The following DNAH6 variants were observed in gnomAD, a reference collection of about 807,000 sequenced individuals.
The protein encoded by DNAH6 is dynein axonemal heavy chain 6.
In DNAH6, 340 loss-of-function variants were observed where a neutral mutation model predicts 491.4. That is an observed-to-expected ratio of 0.69 (90% confidence interval 0.63 to 0.76). The LOEUF is 0.76. Among genes scored for constraint, DNAH6 ranks in the 30% least tolerant of loss-of-function variants. The pLI, the probability that DNAH6 is intolerant of heterozygous loss-of-function variation, is 0.00. For missense variants in DNAH6, 4,443 were observed against 4,972.2 expected, an observed-to-expected ratio of 0.89 and a Z score of 3.20; for synonymous variants, 1,603 against 1,686.1, an observed-to-expected ratio of 0.95 and a Z score of 1.21.
intron 64 of DNAH6, among the ~76,000 whole-genome samples, chr2:84,772,782 A>G (rs1384110208): frequency 6.6e-6 from 1 of 152,070 alleles, no homozygotes; most frequent in Admixed American, 6.5e-5. Context: ...CAACATTAAA[A>G]CTAATATTAA....
At chr2:84,686,633 C>G in intron 44 of DNAH6, 76 bp downstream of exon 44, 1 of 944,324 alleles carries the variant, frequency 1.1e-6, no homozygotes, top group African/African-American at 1.7e-5. Context: ...AATGAATATT[C>G]TATAAAAACT....
chr2:84,614,044 C>T (rs960409539), intron 22 of DNAH6, among the ~76,000 whole-genome samples: 4 of 144,676 alleles, frequency 2.8e-5, no homozygotes, highest in Admixed American at 1.3e-4. Flanking sequence ...ATTTTTATTT[C>T]AATAGGTTTG....
chr2:84,519,647 CCTT>C (rs933226510), intron 2 of DNAH6, among the ~76,000 whole-genome samples: 117 of 149,124 alleles, frequency 7.8e-4, no homozygotes, highest in South Asian at 1.3e-3. Context: ...CCCTCCTCTT[CCTT>C]CTTCTTTTCT....
chr2:84,766,172 A>C (rs1437534262), intron 64 of DNAH6, among the ~76,000 whole-genome samples: 1 of 151,590 alleles, frequency 6.6e-6, no homozygotes, highest in Non-Finnish European at 1.5e-5. Context: ...CAAAAGTTGC[A>C]AAATGGGTAA....
chr2:84,557,642 G>A (rs532491132), intron 10 of DNAH6, 93 bp from the exon 11 acceptor site: 27 of 218,936 alleles, frequency 1.2e-4, no homozygotes, highest in South Asian at 1.1e-3. Context: ...GGGCGACAGA[G>A]CGAGACTCCG....
chr2:84,633,794 G>GAT (rs760731530), intron 29 of DNAH6, among the ~76,000 whole-genome samples: 21 of 151,680 alleles, frequency 1.4e-4, no homozygotes, highest in Non-Finnish European at 3.1e-4. Flanking sequence ...AAAGGAGAGA[G>GAT]ATATGCACAC....
At position 84,549,872 on chromosome 2, in the gene DNAH6, T is replaced by A. The variant is rs767962064; in HGVS notation, c.1317-17T>A. 1.3e-6 allele frequency: 2 copies of A among 1,568,784 alleles called. No individual in the cohort carries two copies. Among genetic ancestry groups the A allele is most frequent in the Non-Finnish European group, 1.7e-6 (2 of 1,154,986 alleles). The stretch of plus-strand genomic sequence containing the variant: ...ATATAAGAAACCGAAATTGTATTAG[T>A]TTTTTTTCTTTTCAAGCTTTATTCG... On this transcript the variant is annotated splice_polypyrimidine_tract_variant and intron_variant, in intron 8 of 76. Coordinates refer to ENST00000389394, the MANE Select transcript of DNAH6 (RefSeq NM_001370.2).
intron 63 of DNAH6, 133 bp downstream of exon 63, chr2:84,745,382 T>C (rs1263955117): frequency 1.0e-5 from 7 of 684,072 alleles, no homozygotes; most frequent in African/African-American, 5.6e-5. Flanking sequence ...AAATGAAACA[T>C]GGGCCGAGCG....
At chr2:84,740,301 G>A (rs149984426) in intron 62 of DNAH6, among the ~76,000 whole-genome samples, 2 of 152,136 alleles carry the variant, frequency 1.3e-5, no homozygotes, top group African/African-American at 2.4e-5. Flanking sequence ...ACAAGCAGGG[G>A]TGGAAGCACT....
chr2:84,666,917 C>A (rs1692187884), intron 37 of DNAH6, among the ~76,000 whole-genome samples: 1 of 152,138 alleles, frequency 6.6e-6, no homozygotes, highest in Non-Finnish European at 1.5e-5. Context: ...ACCAACGGAA[C>A]CGAACAGAGC....
At chr2:84,674,531 G>A (rs898219465) in intron 40 of DNAH6, among the ~76,000 whole-genome samples, 9 of 152,198 alleles carry the variant, frequency 5.9e-5, no homozygotes, top group African/African-American at 2.2e-4. Flanking sequence ...GTCACAGGTA[G>A]TAGGTCTCGA....
At position 84,745,294 on chromosome 2, in the gene DNAH6, A is replaced by G. The variant is rs1434398823; in HGVS notation, c.10512+45A>G. The G allele has an allele frequency of 5.5e-6, 7 of 1,267,162 alleles. No individual in the cohort carries two copies. In the East Asian group the frequency reaches 1.7e-4, roughly 30 times the overall value. The allele number at this position is 1,267,162 out of a possible 1,614,324, so 78.5% of individuals were successfully genotyped here. On this transcript the variant is annotated intron_variant, in intron 63 of 76. Transcript: ENST00000389394. ...AAAGGACTGTGTTACAATTATTTCT[A>G]CTAAAGCTCACTAGCCAGTTATGAT... is the stretch of plus-strand genomic sequence containing the variant.
Position 84,762,888 on chromosome 2 carries a change from G to C in DNAH6, c.10646G>C (p.Gly3549Ala), listed in dbSNP as rs1000523736. 1.1e-5 allele frequency: 17 copies of C among 1,551,476 alleles called. No individual in the cohort carries two copies. The highest frequency in any genetic ancestry group is 1.7e-4 in the Middle Eastern group (1 of 6,008). The change falls in exon 64 of 77, where the codon GGC becomes GCC. Residue 3549 changes from glycine to alanine, a missense_variant. Gly to Ala is a moderately conservative substitution (Grantham distance 60). Transcript: ENST00000389394. ...CCCCTGGTATTCATCCTAAGCACAG[G>C]CTCAGATCCCATGGGTGCATTTCAG... ...NTPLVFILSTGSDPMGAFQRF... is the reference protein window; with the variant it reads ...NTPLVFILSTASDPMGAFQRF...
In DNAH6 at chr2:84,641,948, T is replaced by A. The variant is rs1334851874; in HGVS notation, c.4972T>A (p.Ser1658Thr). The change falls in exon 33 of 77, where the codon TCT (serine) becomes ACT (threonine). Residue 1658 changes from serine (S) to threonine (T), a missense_variant and splice_region_variant. Coordinates refer to ENST00000389394, the MANE Select transcript of DNAH6 (RefSeq NM_001370.2). ...AVKSVLVMAG[S>T]LKRENPDLNE... ...TCCGAAATATTCCTTTAAATTTAGA[T>A]CTTTAAAAAGAGAAAACCCAGACCT... 4 of 1,548,182 alleles carry A rather than the reference T, an allele frequency of 2.6e-6. No individual in the cohort carries two copies. The highest frequency in any genetic ancestry group is 1.7e-4 in the Middle Eastern group (1 of 5,832).
rs1698766638 is a variant in DNAH6, at chr2:84,727,680, C to T, written c.9984C>T (p.Thr3328=). The T allele has an allele frequency of 6.5e-7, 1 of 1,543,934 alleles. No individual in the cohort carries two copies. The highest frequency in any genetic ancestry group is 8.8e-7 in the Non-Finnish European group (1 of 1,140,058). The change falls in exon 61 of 77, where the codon ACC becomes ACT. Residue 3328 remains threonine (T), a synonymous_variant. Coordinates refer to ENST00000389394, the MANE Select transcript of DNAH6 (RefSeq NM_001370.2). ...SLKYFKQLFN[T]TIETSVKTEN... is the part of the protein sequence containing the mutation. The stretch of plus-strand genomic sequence containing the variant: ...TCTCTTTCACACAGTTGTTCAATAC[C>T]ACCATTGAAACTTCTGTAAAGACAG...
At chr2:84,464,201 T>C in the DNAH6 span, among the ~76,000 whole-genome samples, 3 of 152,236 alleles carry the variant, frequency 2.0e-5, no homozygotes, top group Non-Finnish European at 2.9e-5. Context: ...AAGGCCTGTT[T>C]TGCTCTGATT....
intron 70 of DNAH6, among the ~76,000 whole-genome samples, chr2:84,801,324 AG>A (rs1187514262): frequency 1.3e-5 from 2 of 152,068 alleles, no homozygotes; most frequent in Non-Finnish European, 2.9e-5. Context: ...TATATAATCC[AG>A]GAATATTTCC....
chr2:84,691,378 G>C (rs946314122), intron 45 of DNAH6, among the ~76,000 whole-genome samples: 1 of 152,280 alleles, frequency 6.6e-6, no homozygotes, highest in South Asian at 2.1e-4. Flanking sequence ...AAATAAGAAA[G>C]CATTATTATC....
In DNAH6 at chr2:84,718,515, G is replaced by A. The variant is rs1418743257; in HGVS notation, c.9792+131G>A. The stretch of plus-strand genomic sequence containing the variant: ...ACTGGGCTTCCATGGACACACAGAC[G>A]GGTGCCTGCCTGTCAGGGCTCCTTG... On this transcript the variant is annotated intron_variant, in intron 59 of 76. Transcript: ENST00000389394. The A allele has an allele frequency of 1.4e-5, 9 of 645,624 alleles. 1 individual carries two copies. Among genetic ancestry groups the A allele is most frequent in the South Asian group, 3.9e-5 (1 of 25,386 alleles). 40.0% of individuals were successfully genotyped at this position (645,624 alleles called of 1,614,324 possible). A position where few individuals can be genotyped will look rare whatever the true frequency, so the allele number is the denominator to read the frequency against.
Sources: gnomAD v4.1 joint callset for allele counts (sites outside exome capture counted in the v4.1 genomes callset) on GRCh38, gnomAD v4.1.1 for gene constraint, MANE v1.5 for transcripts, NCBI Gene and HGNC (gene_info 2026-07-23, HGNC 2026-07-21) for gene names.